Variants in TAF3 observed in about 807,000 individuals in gnomAD.
TAF3 encodes the protein transcription initiation factor TFIID subunit 3.
Under a neutral mutation model 80.6 loss-of-function variants are expected in TAF3, and 7 were observed. The ratio of observed to expected loss-of-function variants is 0.09; its 90% CI spans 0.05 to 0.16. The LOEUF is 0.16. Ranked by LOEUF, TAF3 falls within the 10% of genes least tolerant of loss-of-function variation. The pLI, the probability that TAF3 is intolerant of heterozygous loss-of-function variation, is 1.00. For missense variants in TAF3, 921 were observed against 1,140.2 expected (o/e 0.81, Z 2.77); for synonymous variants, 444 against 446.1 (o/e 1.00, Z 0.06).
chr10:7,956,261 G>A (rs1409330134), intron 2 of TAF3, among the ~76,000 whole-genome samples: 1 of 152,106 alleles, frequency 6.6e-6, no homozygotes. Context: ...GGGCCGAGGT[G>A]GGCAGATCAC....
chr10:7,866,702 A>G (rs1837218330), intron 2 of TAF3, among the ~76,000 whole-genome samples: 1 of 152,176 alleles, frequency 6.6e-6, no homozygotes, highest in African/African-American at 2.4e-5. Context: ...ATTAGAAAGG[A>G]GAGCTATAGA....
intron 2 of TAF3, among the ~76,000 whole-genome samples, chr10:7,863,927 C>T (rs1354773377): frequency 6.6e-6 from 1 of 151,596 alleles, no homozygotes; most frequent in Admixed American, 6.6e-5. Context: ...TAACAATAGA[C>T]TTAATATTTT....
chr10:7,821,434 T>G (rs750260048), intron 1 of TAF3, among the ~76,000 whole-genome samples: 18 of 152,140 alleles, frequency 1.2e-4, no homozygotes, highest in Non-Finnish European at 2.6e-4. Flanking sequence ...AGACATAAAA[T>G]TACTAAGATA....
At chr10:8,011,623 G>A (rs1832056991) in intron 5 of TAF3, among the ~76,000 whole-genome samples, 1 of 152,200 alleles carries the variant, frequency 6.6e-6, no homozygotes, top group Non-Finnish European at 1.5e-5. Context: ...TTCTAAAAGT[G>A]TGATCATCAA....
chr10:7,864,116 T>C (rs976919121), intron 2 of TAF3, among the ~76,000 whole-genome samples: 3 of 152,150 alleles, frequency 2.0e-5, no homozygotes, highest in Admixed American at 1.3e-4. Flanking sequence ...TTTCCTTAGG[T>C]TCACTCTTGG....
chr10:7,875,725 A>G (rs893936578), intron 2 of TAF3, among the ~76,000 whole-genome samples: 4 of 152,188 alleles, frequency 2.6e-5, no homozygotes, highest in African/African-American at 7.2e-5. Flanking sequence ...TTACCCCCCA[A>G]AGCCTCTGGT....
At chr10:7,902,861 G>A (rs1000988764) in intron 2 of TAF3, among the ~76,000 whole-genome samples, 3 of 151,700 alleles carry the variant, frequency 2.0e-5, no homozygotes, top group Admixed American at 6.6e-5. Flanking sequence ...AAAAAGAATT[G>A]TCTCTCTTCC....
intron 2 of TAF3, among the ~76,000 whole-genome samples, chr10:7,875,835 T>C (rs78768241): frequency 3.4e-3 from 515 of 152,306 alleles, no homozygotes; most frequent in Non-Finnish European, 5.1e-3. Context: ...GAAAACATTT[T>C]AATTCTGTTT....
chr10:7,875,206 T>G (rs112045703), intron 2 of TAF3, among the ~76,000 whole-genome samples: 50 of 152,300 alleles, frequency 3.3e-4, no homozygotes, highest in African/African-American at 1.2e-3. Flanking sequence ...TCGATATTTT[T>G]TTTCTGTCTC....
chr10:7,853,647 C>A (rs1837050491), intron 2 of TAF3, among the ~76,000 whole-genome samples: 1 of 152,216 alleles, frequency 6.6e-6, no homozygotes, highest in Non-Finnish European at 1.5e-5. Context: ...AACTAGAGGT[C>A]AGCAAACTGC....
At chr10:7,961,221 C>T (rs1032857237) in intron 2 of TAF3, among the ~76,000 whole-genome samples, 1 of 151,984 alleles carries the variant, frequency 6.6e-6, no homozygotes, top group Admixed American at 6.6e-5. Flanking sequence ...TCAGATCTGG[C>T]GGAGAAGATG....
intron 2 of TAF3, among the ~76,000 whole-genome samples, chr10:7,919,373 T>C (rs1256903488): frequency 1.3e-5 from 2 of 152,210 alleles, no homozygotes; most frequent in Admixed American, 6.5e-5. Context: ...AAGTCCTTGC[T>C]GAAATCTTGC....
At chr10:7,960,640 G>A (rs555464061) in intron 2 of TAF3, among the ~76,000 whole-genome samples, 3 of 152,230 alleles carry the variant, frequency 2.0e-5, no homozygotes, top group Non-Finnish European at 2.9e-5. Flanking sequence ...GCTGGAATGG[G>A]TAGAGCACGC....
chr10:7,961,338 G>A (rs1407585550), intron 2 of TAF3, among the ~76,000 whole-genome samples: 1 of 152,156 alleles, frequency 6.6e-6, no homozygotes, highest in African/African-American at 2.4e-5. Flanking sequence ...TGTTCTTTAT[G>A]ATTTACTAAG....
At position 7,965,516 on chromosome 10, in the gene TAF3, C is replaced by T. The variant is rs757460866; in HGVS notation, c.2006C>T (p.Ala669Val). Residue 669 changes from alanine to valine, a missense_variant, in exon 3 of 7, where the codon GCC becomes GTC. Ala to Val is a moderately conservative substitution (Grantham distance 64). Transcript: ENST00000344293. ...KELALPLFSP[A>V]TASRVPAMLP... ...TTGGCCCTGCCCTTGTTCAGCCCTG[C>T]CACAGCCTCCAGGGTCCCAGCCATG... 1.2e-6 allele frequency: 2 copies of T among 1,602,842 alleles called. No individual in the cohort carries two copies. Among genetic ancestry groups the T allele is most frequent in the Admixed American group, 1.8e-5 (1 of 57,122 alleles).
chr10:7,866,711 GA>G (rs1257003648), intron 2 of TAF3, among the ~76,000 whole-genome samples: 6 of 152,138 alleles, frequency 3.9e-5, no homozygotes, highest in Non-Finnish European at 5.9e-5. Flanking sequence ...GAGAGCTATA[GA>G]AAAAGCCAAA....
At chr10:7,830,341 A>G (rs1384626341) in intron 2 of TAF3, among the ~76,000 whole-genome samples, 2 of 149,424 alleles carry the variant, frequency 1.3e-5, no homozygotes, top group Non-Finnish European at 3.0e-5. Context: ...CCTCCCTCCA[A>G]AAATAACCAA....
At chr10:7,890,755 T>C (rs1473833659) in intron 2 of TAF3, among the ~76,000 whole-genome samples, 2 of 152,214 alleles carry the variant, frequency 1.3e-5, no homozygotes, top group Non-Finnish European at 2.9e-5. Context: ...TCTAATTCTT[T>C]TGGTTTATTT....
At chr10:7,977,114 TA>T in intron 3 of TAF3, 126 bp from the exon 4 acceptor site, 1 of 800,698 alleles carries the variant, frequency 1.2e-6, no homozygotes, top group Non-Finnish European at 2.0e-6. Context: ...TCTTTCTGTC[TA>T]AATTTTAGCC....
Sources: gnomAD v4.1 joint callset for allele counts (sites outside exome capture counted in the v4.1 genomes callset) on GRCh38, gnomAD v4.1.1 for gene constraint, MANE v1.5 for transcripts, NCBI Gene and HGNC (gene_info 2026-07-23, HGNC 2026-07-21) for gene names.